The following LSAMP variants were observed in gnomAD, a reference collection of about 807,000 sequenced individuals.
LSAMP encodes the protein limbic system-associated membrane protein.
In LSAMP, 7 loss-of-function variants were observed where a neutral mutation model predicts 38.6. That is an observed-to-expected ratio of 0.18 (90% CI 0.10 to 0.34). The LOEUF (loss-of-function observed/expected upper bound fraction) is 0.34, where lower values mean the gene tolerates loss of function less well. LSAMP is among the 10% of genes least tolerant of loss of function. The pLI, the probability that LSAMP is intolerant of heterozygous loss-of-function variation, is 1.00. For synonymous variants in LSAMP, 154 were observed against 166.8 expected (o/e 0.92, Z 0.59); for missense variants, 313 against 420.0 (o/e 0.75, Z 2.23).
intron 1 of LSAMP, among the ~76,000 whole-genome samples, chr3:116,249,066 G>A (rs111676823): frequency 0.038 from 5,802 of 151,224 alleles, 152 homozygotes; most frequent in African/African-American, 0.079. Context: ...GGAGAATGGC[G>A]TGAACCCAGG....
chr3:116,209,121 G>T (rs934373553), intron 1 of LSAMP, among the ~76,000 whole-genome samples: 1 of 152,148 alleles, frequency 6.6e-6, no homozygotes, highest in Non-Finnish European at 1.5e-5. Flanking sequence ...TTTTTAAGCC[G>T]GTCCGAAAAG....
intron 1 of LSAMP, among the ~76,000 whole-genome samples, chr3:116,377,191 A>G (rs2048504705): frequency 6.6e-6 from 1 of 151,948 alleles, no homozygotes; most frequent in Non-Finnish European, 1.5e-5. Context: ...TATCAAGCCC[A>G]GCATGCATTT....
At chr3:116,427,822 CTT>C (rs1369214262) in intron 1 of LSAMP, among the ~76,000 whole-genome samples, 10 of 152,240 alleles carry the variant, frequency 6.6e-5, no homozygotes, top group East Asian at 3.9e-4. Context: ...CACTCTCTCT[CTT>C]GGCAATTTCA....
chr3:116,414,814 A>T (rs936191574), intron 1 of LSAMP, among the ~76,000 whole-genome samples: 9 of 152,144 alleles, frequency 5.9e-5, no homozygotes, highest in Non-Finnish European at 1.0e-4. Flanking sequence ...TGACATAGTG[A>T]CCAAGTAGTC....
chr3:115,883,505 C>T (rs545205235), intron 3 of LSAMP, among the ~76,000 whole-genome samples: 28 of 152,072 alleles, frequency 1.8e-4, no homozygotes, highest in African/African-American at 5.5e-4. Flanking sequence ...TTGGAAAATA[C>T]GCAATAATCA....
chr3:116,213,650 C>T (rs1022107369), intron 1 of LSAMP, among the ~76,000 whole-genome samples: 1 of 152,072 alleles, frequency 6.6e-6, no homozygotes, highest in African/African-American at 2.4e-5. Flanking sequence ...CATGTGGAAA[C>T]AAACTAAATA....
chr3:116,309,886 T>C (rs1033533989), intron 1 of LSAMP, among the ~76,000 whole-genome samples: 23 of 152,180 alleles, frequency 1.5e-4, no homozygotes, highest in Middle Eastern at 3.2e-3. Context: ...TCCTTTGATA[T>C]TGTTTTTGCA....
intron 3 of LSAMP, among the ~76,000 whole-genome samples, chr3:115,863,650 G>A (rs1387872194): frequency 1.3e-5 from 2 of 151,716 alleles, no homozygotes; most frequent in Non-Finnish European, 2.9e-5. Flanking sequence ...ATGGGATCAG[G>A]AGGCCCAGAA....
intron 3 of LSAMP, among the ~76,000 whole-genome samples, chr3:115,992,355 C>A (rs1939695171): frequency 6.6e-6 from 1 of 151,920 alleles, no homozygotes. Context: ...CTCTCCTCCT[C>A]CAGGTCAAAA....
At position 116,444,808 on chromosome 3, in the gene LSAMP, ACAAACACAC is replaced by A. The variant is rs1559870723; in HGVS notation, c.155+60_155+68del. ...ATCAGACACACACACACACACACAC[ACAAACACAC>A]ACACACACACACACACACGTGTAGA... On this transcript the variant is annotated intron_variant, in intron 1 of 6. Coordinates refer to ENST00000490035, the MANE Select transcript of LSAMP (RefSeq NM_002338.5). The A allele has an allele frequency of 1.1e-4, 144 of 1,283,368 alleles. No homozygotes were observed. In the East Asian group the frequency reaches 1.4e-3, roughly 13 times the overall value. 79.5% of individuals were successfully genotyped at this position (1,283,368 alleles called of 1,614,324 possible).
chr3:115,848,531 C>G (rs1472461237), intron 4 of LSAMP, among the ~76,000 whole-genome samples: 1 of 152,224 alleles, frequency 6.6e-6, no homozygotes, highest in Non-Finnish European at 1.5e-5. Context: ...TATCTGGAGG[C>G]AACAGGTGTC....
chr3:116,299,294 G>C (rs113559767), intron 1 of LSAMP, among the ~76,000 whole-genome samples: 3,772 of 152,292 alleles, frequency 0.025, 71 homozygotes, highest in Middle Eastern at 0.051. Flanking sequence ...GACAGGTAGA[G>C]CCTAAAGGAG....
At chr3:116,373,182 T>C (rs971948900) in intron 1 of LSAMP, among the ~76,000 whole-genome samples, 1 of 151,368 alleles carries the variant, frequency 6.6e-6, no homozygotes, top group African/African-American at 2.4e-5. Context: ...CAGTGACAGA[T>C]AAATAGATAA....
intron 3 of LSAMP, among the ~76,000 whole-genome samples, chr3:115,997,662 A>T (rs568922009): frequency 4.9e-5 from 7 of 141,546 alleles, no homozygotes; most frequent in Middle Eastern, 3.9e-3. Context: ...ACAAGGCAGG[A>T]CTGTGTAGCT....
chr3:116,146,888 T>C (rs1212177306), intron 1 of LSAMP, among the ~76,000 whole-genome samples: 2 of 151,914 alleles, frequency 1.3e-5, no homozygotes, highest in Non-Finnish European at 2.9e-5. Context: ...GACCTGTTTT[T>C]ATGATATTCA....
chr3:116,330,799 A>G (rs1036784182), intron 1 of LSAMP, among the ~76,000 whole-genome samples: 1 of 152,142 alleles, frequency 6.6e-6, no homozygotes, highest in Non-Finnish European at 1.5e-5. Context: ...TAAGTATGGG[A>G]AAGATTTCCA....
At chr3:116,075,995 T>C (rs1181047770) in intron 2 of LSAMP, among the ~76,000 whole-genome samples, 2 of 152,218 alleles carry the variant, frequency 1.3e-5, no homozygotes, top group Non-Finnish European at 2.9e-5. Context: ...TTTTTACTTT[T>C]AAATCTTTAA....
chr3:116,262,963 G>C (rs1294802201), intron 1 of LSAMP, among the ~76,000 whole-genome samples: 1 of 152,080 alleles, frequency 6.6e-6, no homozygotes, highest in East Asian at 1.9e-4. Context: ...TGAGAAGAAG[G>C]TTAAAAAATC....
At chr3:116,283,142 T>C (rs138011554) in intron 1 of LSAMP, among the ~76,000 whole-genome samples, 2,962 of 148,054 alleles carry the variant, frequency 0.02, 39 homozygotes, top group Non-Finnish European at 0.025. Flanking sequence ...CTCCCCAAAG[T>C]CCCAATCCCA....
Sources: gnomAD v4.1 joint callset for allele counts (sites outside exome capture counted in the v4.1 genomes callset) on GRCh38, gnomAD v4.1.1 for gene constraint, MANE v1.5 for transcripts, NCBI Gene and HGNC (gene_info 2026-07-23, HGNC 2026-07-21) for gene names.